Variants in APP observed in about 807,000 individuals in gnomAD.
APP encodes amyloid-beta precursor protein.
APP carries 31 observed loss-of-function variants against 101.4 expected under a neutral mutation model. The observed-to-expected ratio is 0.31, with a 90% CI of 0.23 to 0.41. The LOEUF (loss-of-function observed/expected upper bound fraction) is 0.41. Ranked by LOEUF, APP falls within the 10% of genes least tolerant of loss-of-function variation. The pLI is 1.00. For missense variants in APP, 839 were observed against 1,003.7 expected (o/e 0.84, Z 2.22); for synonymous variants, 366 against 364.4 (o/e 1.00, Z -0.05).
intron 10 of APP, among the ~76,000 whole-genome samples, chr21:25,975,589 C>T (rs1225494395): frequency 2.0e-5 from 3 of 152,018 alleles, no homozygotes; most frequent in Non-Finnish European, 2.9e-5. Context: ...CCATAATAAA[C>T]TGTTGGTTTA....
chr21:26,159,189 C>T (rs900374158), intron 1 of APP, among the ~76,000 whole-genome samples: 2 of 152,094 alleles, frequency 1.3e-5, no homozygotes, highest in Admixed American at 6.5e-5. Context: ...ACACCATTCT[C>T]CTGCCTCAGC....
chr21:26,057,643 G>A (rs971176938), intron 3 of APP, among the ~76,000 whole-genome samples: 5 of 152,112 alleles, frequency 3.3e-5, no homozygotes, highest in African/African-American at 1.2e-4. Context: ...GTGGTCTTTG[G>A]GAGGACTGTC....
chr21:26,036,164 T>C (rs2045099625), intron 5 of APP, among the ~76,000 whole-genome samples: 2 of 151,420 alleles, frequency 1.3e-5, no homozygotes, highest in African/African-American at 4.9e-5. Context: ...AGAAAAATAG[T>C]ATAATAATTG....
chr21:25,946,468 C>T (rs968319123), intron 13 of APP, among the ~76,000 whole-genome samples: 1 of 152,126 alleles, frequency 6.6e-6, no homozygotes, highest in Non-Finnish European at 1.5e-5. Flanking sequence ...GAGTTTGAGA[C>T]CAGCCTGGGA....
intron 13 of APP, 29 bp downstream of exon 13, chr21:25,954,561 G>A: frequency 6.4e-7 from 1 of 1,565,460 alleles, no homozygotes; most frequent in East Asian, 2.2e-5. Flanking sequence ...ACATGTCCAT[G>A]TGCAGCATCA....
At chr21:26,043,316 A>G (rs2045460412) in intron 5 of APP, among the ~76,000 whole-genome samples, 2 of 152,036 alleles carry the variant, frequency 1.3e-5, no homozygotes, top group East Asian at 3.9e-4. Context: ...GCTCACTGCA[A>G]CCTCCACCTC....
chr21:25,921,575 C>A (rs2039644261), intron 13 of APP, among the ~76,000 whole-genome samples: 2 of 146,122 alleles, frequency 1.4e-5, no homozygotes, highest in East Asian at 4.1e-4. Flanking sequence ...ATACAAACTA[C>A]CATCAGAGAA....
chr21:26,108,243 T>TGGCCA (rs2062229026), intron 2 of APP, among the ~76,000 whole-genome samples: 1 of 152,190 alleles, frequency 6.6e-6, no homozygotes, highest in Admixed American at 6.5e-5. Flanking sequence ...AATCACATAG[T>TGGCCA]TACAACTCAG....
At chr21:26,127,141 T>C (rs1462058283) in intron 1 of APP, among the ~76,000 whole-genome samples, 1 of 152,062 alleles carries the variant, frequency 6.6e-6, no homozygotes, top group East Asian at 1.9e-4. Flanking sequence ...TGTGGGTCAA[T>C]TTATAATAGT....
chr21:26,078,978 G>A (rs991219268), intron 3 of APP, among the ~76,000 whole-genome samples: 2 of 151,434 alleles, frequency 1.3e-5, no homozygotes, highest in African/African-American at 4.9e-5. Context: ...AGGAGGCGGA[G>A]GTTGGGGTGA....
chr21:25,987,061 T>C (rs1414240856), intron 8 of APP, among the ~76,000 whole-genome samples: 1 of 152,230 alleles, frequency 6.6e-6, no homozygotes, highest in Non-Finnish European at 1.5e-5. Flanking sequence ...AGGGTTTTTG[T>C]TGTTTTGTTT....
At chr21:25,939,562 C>A (rs186440982) in intron 13 of APP, among the ~76,000 whole-genome samples, 162 of 152,304 alleles carry the variant, frequency 1.1e-3, no homozygotes, top group African/African-American at 3.8e-3. Context: ...AAAGCAGACA[C>A]TTAGCTTATC....
chr21:26,070,543 A>AC (rs1291493272), intron 3 of APP, among the ~76,000 whole-genome samples: 1 of 152,194 alleles, frequency 6.6e-6, no homozygotes, highest in African/African-American at 2.4e-5. Context: ...GCTGAGGCTC[A>AC]CAAGTAAAAA....
At chr21:25,906,002 G>C (rs1329600832) in intron 14 of APP, among the ~76,000 whole-genome samples, 1 of 152,166 alleles carries the variant, frequency 6.6e-6, no homozygotes, top group African/African-American at 2.4e-5. Context: ...CAAGTGTAAA[G>C]GGAAAAAGGT....
At position 25,964,611 on chromosome 21, in the gene APP, T is replaced by C. The variant is rs556330603; in HGVS notation, c.1459-8856A>G. Among the ~76,000 whole-genome samples the C allele has an allele frequency of 2.6e-4, 37 of 143,114 alleles. 1 individual carries two copies. Among genetic ancestry groups the C allele is most frequent in the South Asian group, 1.3e-3 (6 of 4,710 alleles). 93.9% of individuals were successfully genotyped at this position (143,114 alleles called of 152,430 possible). On this transcript the variant is annotated intron_variant, in intron 11 of 17. Coordinates refer to ENST00000346798, the MANE Select transcript of APP (RefSeq NM_000484.4). ...TTAGTGACCTTTTTTCTTTTCTTTT[T>C]TTTTTTTTTTTTTCTGAGACGGAGT...
chr21:26,049,921 C>A (rs1045682815), intron 5 of APP, among the ~76,000 whole-genome samples: 1 of 152,104 alleles, frequency 6.6e-6, no homozygotes, highest in African/African-American at 2.4e-5. Flanking sequence ...TGTTCAGGTA[C>A]TGAAATGGGA....
intron 1 of APP, among the ~76,000 whole-genome samples, chr21:26,143,850 C>T (rs1449095776): frequency 6.6e-6 from 1 of 152,136 alleles, no homozygotes; most frequent in African/African-American, 2.4e-5. Context: ...GCCATAAGTA[C>T]CAGGGGCCTG....
chr21:26,097,886 C>A (rs2061980684), intron 2 of APP, among the ~76,000 whole-genome samples: 1 of 152,030 alleles, frequency 6.6e-6, no homozygotes, highest in South Asian at 2.1e-4. Context: ...CGAGACCATC[C>A]TGGCTAACAT....
intron 3 of APP, among the ~76,000 whole-genome samples, chr21:26,088,339 A>C (rs976475651): frequency 6.6e-6 from 1 of 152,228 alleles, no homozygotes; most frequent in East Asian, 1.9e-4. Flanking sequence ...AAGCAGAAAA[A>C]TCTATGTAAA....
Sources: gnomAD v4.1 joint callset for allele counts (sites outside exome capture counted in the v4.1 genomes callset) on GRCh38, gnomAD v4.1.1 for gene constraint, MANE v1.5 for transcripts, NCBI Gene and HGNC (gene_info 2026-07-23, HGNC 2026-07-21) for gene names.